CNTNAP4: variants seen among roughly 807,000 people sequenced by gnomAD.
CNTNAP4 encodes the protein contactin associated protein family member 4, also known as contactin-associated protein-like 4.
In CNTNAP4, 98 loss-of-function variants were observed where a neutral mutation model predicts 148.4. The observed-to-expected ratio is 0.66, with a 90% CI of 0.56 to 0.78. The LOEUF is 0.78. CNTNAP4 is among the 30% of genes least tolerant of loss of function. The pLI, the probability that CNTNAP4 is intolerant of heterozygous loss-of-function variation, is 0.00. For synonymous variants in CNTNAP4, 730 were observed against 565.1 expected (o/e 1.29, Z -4.14); for missense variants, 1,935 against 1,565.6 (o/e 1.24, Z -3.98).
intron 17 of CNTNAP4, among the ~76,000 whole-genome samples, chr16:76,532,925 C>T (rs773743193): frequency 6.6e-5 from 10 of 152,202 alleles, no homozygotes; most frequent in South Asian, 2.1e-4. Context: ...ACTTCAAGAA[C>T]GGCAGGTCCT....
chr16:76,521,182 A>G lies in CNTNAP4; in HGVS notation c.2408A>G (p.Tyr803Cys), dbSNP rs1316549645. ...GCTTCCTTTGATACCGAGGCTTCAT[A>G]TCTTCATTTTCCTACCTTCCACGGA... ...NSASFDTEASYLHFPTFHGEL... is the reference protein window; with the variant it reads ...NSASFDTEASCLHFPTFHGEL... Residue 803 changes from tyrosine to cysteine, a missense_variant, in exon 16 of 24, where the codon TAT (tyrosine) becomes TGT (cysteine). By Grantham distance (194) the Tyr-to-Cys change is radical. Transcript: ENST00000611870. The G allele has an allele frequency of 6.2e-7, 1 of 1,607,678 alleles. No individual in the cohort carries two copies. The highest frequency in any genetic ancestry group is 1.7e-5 in the Admixed American group (1 of 59,130).
chr16:76,558,453 C>T (rs1568645020), intron 23 of CNTNAP4, 37 bp from the exon 24 acceptor site: 2 of 1,262,670 alleles, frequency 1.6e-6, no homozygotes, highest in East Asian at 4.7e-5. Flanking sequence ...TCTATTTGGA[C>T]AGAAATTCTG....
chr16:76,398,077 G>A (rs973593587), intron 3 of CNTNAP4, among the ~76,000 whole-genome samples: 4 of 145,324 alleles, frequency 2.8e-5, no homozygotes, highest in Admixed American at 7.0e-5. Flanking sequence ...AAGCCAGCCC[G>A]AGTCCCAAAG....
rs1446766720 is a variant in CNTNAP4, at chr16:76,553,887, G to T, written c.3713G>T (p.Ser1238Ile). The change falls in exon 23 of 24, where the codon AGT becomes ATT. Residue 1238 changes from serine to isoleucine, a missense_variant. By Grantham distance (142) the Ser-to-Ile change is moderately radical. Transcript: ENST00000611870. ...DREPLANAIK[S>I]DSAVIGGLIA... ...GAGCCCCTTGCTAATGCAATCAAAA[G>T]TGACTCTGCAGTAATTGGAGGTAAT... The T allele has an allele frequency of 9.3e-6, 15 of 1,609,194 alleles. No homozygotes were observed. The highest frequency in any genetic ancestry group is 1.3e-5 in the African/African-American group (1 of 74,852).
rs1444937454 is a variant in CNTNAP4 at position 76,448,195 on chromosome 16, T to A, written c.722T>A (p.Leu241His). The change falls in exon 5 of 24, where the codon CTC becomes CAC. Residue 241 changes from leucine (L) to histidine (H), a missense_variant. Transcript: ENST00000611870. ...ACACTGCAATTAAGAAGAGCAAGAC[T>A]CTTTTTACTTATTAATTCAGGTAAA... The part of the protein sequence containing the change: ...HITLQLRRAR[L>H]FLLINSGEAK... 6.2e-7 allele frequency: 1 copy of A among 1,610,914 alleles called. No individual in the cohort carries two copies. Among genetic ancestry groups the A allele is most frequent in the Non-Finnish European group, 8.5e-7 (1 of 1,178,200 alleles).
intron 8 of CNTNAP4, among the ~76,000 whole-genome samples, chr16:76,460,387 G>A (rs544340122): frequency 6.6e-6 from 1 of 151,770 alleles, no homozygotes; most frequent in African/African-American, 2.4e-5. Flanking sequence ...GGGATTACAG[G>A]CATGAGCCAC....
intron 2 of CNTNAP4, among the ~76,000 whole-genome samples, chr16:76,318,792 A>G (rs1962099248): frequency 6.7e-6 from 1 of 149,610 alleles, no homozygotes; most frequent in African/African-American, 2.4e-5. Context: ...ATAATTAATA[A>G]TTATGAGAAA....
chr16:76,395,682 C>T (rs1331511789), intron 3 of CNTNAP4, among the ~76,000 whole-genome samples: 2 of 151,810 alleles, frequency 1.3e-5, no homozygotes. Context: ...TTTGGTCACA[C>T]AAATCGGTAA....
intron 15 of CNTNAP4, among the ~76,000 whole-genome samples, chr16:76,518,878 A>G (rs1431281025): frequency 1.3e-5 from 2 of 152,018 alleles, no homozygotes; most frequent in East Asian, 3.9e-4. Flanking sequence ...TCTGGTTACT[A>G]TCATTCTCCT....
chr16:76,364,960 C>T (rs989860380), intron 3 of CNTNAP4, among the ~76,000 whole-genome samples: 1 of 152,090 alleles, frequency 6.6e-6, no homozygotes. Context: ...ATGCCTAGGT[C>T]CTGAATGGTA....
intron 14 of CNTNAP4, among the ~76,000 whole-genome samples, chr16:76,497,083 C>A (rs1597734925): frequency 6.6e-6 from 1 of 152,210 alleles, no homozygotes; most frequent in Admixed American, 6.5e-5. Context: ...GATGAAAACT[C>A]AGATCTTCAG....
intron 21 of CNTNAP4, among the ~76,000 whole-genome samples, 195 bp downstream of exon 21, chr16:76,540,985 C>A (rs890214518): frequency 6.6e-6 from 1 of 152,156 alleles, no homozygotes; most frequent in African/African-American, 2.4e-5. Flanking sequence ...GATGAGCAAG[C>A]ATCTTCCTTT....
intron 2 of CNTNAP4, among the ~76,000 whole-genome samples, chr16:76,330,709 T>G (rs574979092): frequency 6.6e-6 from 1 of 152,216 alleles, no homozygotes; most frequent in Non-Finnish European, 1.5e-5. Flanking sequence ...ACTTATTAGA[T>G]TTGCTCTTTT....
intron 3 of CNTNAP4, among the ~76,000 whole-genome samples, chr16:76,413,410 A>G (rs1486945460): frequency 6.6e-6 from 1 of 151,258 alleles, no homozygotes; most frequent in Non-Finnish European, 1.5e-5. Flanking sequence ...TTTTCTCCCC[A>G]CTGCTCTGCA....
At chr16:76,482,901 G>A (rs1209943523) in intron 12 of CNTNAP4, among the ~76,000 whole-genome samples, 3 of 152,124 alleles carry the variant, frequency 2.0e-5, no homozygotes, top group Non-Finnish European at 4.4e-5. Context: ...AGACTTCATG[G>A]TTCTCAAACT....
intron 4 of CNTNAP4, among the ~76,000 whole-genome samples, chr16:76,433,204 G>A (rs9921654): frequency 0.17 from 26,602 of 152,028 alleles, 6,506 homozygotes; most frequent in African/African-American, 0.55. Context: ...GAATGAATGG[G>A]GGCAAGCTTA....
intron 3 of CNTNAP4, among the ~76,000 whole-genome samples, chr16:76,357,028 G>GA (rs60415580): frequency 0.018 from 2,613 of 141,268 alleles, 87 homozygotes; most frequent in African/African-American, 0.064. Flanking sequence ...GCTGTAAGAG[G>GA]AAAAAAAAAC....
At chr16:76,287,828 T>C (rs1228052195) in intron 1 of CNTNAP4, 1 of 152,206 alleles carries the variant, frequency 6.6e-6, no homozygotes, top group Non-Finnish European at 1.5e-5. Context: ...TGACATAATG[T>C]ACTGTTATAT....
intron 2 of CNTNAP4, among the ~76,000 whole-genome samples, chr16:76,324,688 G>T (rs1042328832): frequency 3.9e-5 from 6 of 152,134 alleles, no homozygotes; most frequent in Admixed American, 3.9e-4. Context: ...CATACAACTG[G>T]CAGCAGATTT....
Sources: gnomAD v4.1 joint callset for allele counts (sites outside exome capture counted in the v4.1 genomes callset) on GRCh38, gnomAD v4.1.1 for gene constraint, MANE v1.5 for transcripts, NCBI Gene and HGNC (gene_info 2026-07-23, HGNC 2026-07-21) for gene names.